RNF208: variants seen among roughly 807,000 people sequenced by gnomAD.
The protein encoded by RNF208 is ring finger protein 208.
RNF208 carries 7 observed loss-of-function variants against 15.2 expected under a neutral mutation model. That is an observed-to-expected ratio of 0.46 (90% CI 0.26 to 0.86). RNF208 has a LOEUF of 0.86. Among genes scored for constraint, RNF208 ranks in the 40% least tolerant of loss-of-function variants. RNF208 has a pLI of 0.16. For missense variants in RNF208, 342 were observed against 364.1 expected, an observed-to-expected ratio of 0.94 and a Z score of 0.49; for synonymous variants, 211 against 163.2, an observed-to-expected ratio of 1.29 and a Z score of -2.23.
Position 137,222,144 on chromosome 9 carries a change from G to A in RNF208, c.-682C>T, listed in dbSNP as rs907736477. ...GACCTCAGGCGATGGCGGGGCCCGG[G>A]CGGCACCGAGGGGCGCGGGCGCGGG... On this transcript the variant is annotated 5_prime_UTR_variant, in exon 1 of 2. Coordinates refer to ENST00000391553, the MANE Select transcript of RNF208 (RefSeq NM_031297.7). Among the ~76,000 whole-genome samples, 12 of 146,470 alleles carry A rather than the reference G, an allele frequency of 8.2e-5. No homozygotes were observed. The highest frequency in any genetic ancestry group is 1.7e-4 in the Non-Finnish European group (11 of 65,906).
In RNF208 at chr9:137,222,164, C is replaced by A. The variant is rs1835880846; in HGVS notation, c.-702G>T. ...CCCGGGCGGCACCGAGGGGCGCGGGCGCGGGCGTGGGGCGCGGGGCGCGGG... is the reference window on the plus strand; with the variant it reads ...CCCGGGCGGCACCGAGGGGCGCGGGAGCGGGCGTGGGGCGCGGGGCGCGGG... On this transcript the variant is annotated 5_prime_UTR_variant, in exon 1 of 2. Transcript: ENST00000391553. Among the ~76,000 whole-genome samples, 1 of 146,064 alleles carries A rather than the reference C, an allele frequency of 6.8e-6. No homozygotes were observed. Among genetic ancestry groups the A allele is most frequent in the Admixed American group, 6.8e-5 (1 of 14,690 alleles).
In RNF208 at chr9:137,221,268, T is replaced by TG. The variant is rs1835866447; in HGVS notation, c.-57dup. ...GGTGGGTGGGGGCGTTGTGTGGGGC[T>TG]GGGGGGCAGGTGACAGGGCAGCATC... On this transcript the variant is annotated 5_prime_UTR_variant, in exon 2 of 2. An upstream open reading frame in the 5' UTR loses its in-frame stop. Coordinates refer to ENST00000391553, the MANE Select transcript of RNF208 (RefSeq NM_031297.7). 3 of 111,810 alleles carry TG rather than the reference T, an allele frequency of 2.7e-5. No homozygotes were observed. The highest frequency in any genetic ancestry group is 2.4e-3 in the Middle Eastern group (1 of 416). 6.9% of individuals were successfully genotyped at this position (111,810 alleles called of 1,614,324 possible).
intron 1 of RNF208, among the ~76,000 whole-genome samples, 56 bp from the exon 2 acceptor site, chr9:137,221,794 C>A (rs1351693761): frequency 6.6e-6 from 1 of 152,108 alleles, no homozygotes; most frequent in Admixed American, 6.5e-5. Context: ...CCCTAGCCCT[C>A]GCCCTGCACA....
At position 137,220,437 on chromosome 9, in the gene RNF208, G is replaced by A. The variant is rs932187949; in HGVS notation, c.776C>T (p.Ser259Phe). The A allele has an allele frequency of 1.3e-5, 21 of 1,584,708 alleles. No homozygotes were observed. The highest frequency in any genetic ancestry group is 1.7e-5 in the Non-Finnish European group (20 of 1,164,106). ...GGCAGGCAGGCGCTACTACATGATG[G>A]AGCAGGCGGACAGTGGGTTCCGCAC... ...CHVRNPLSAC[S>F]IM Residue 259 changes from serine (S) to phenylalanine (F), a missense_variant, in exon 2 of 2, where the codon TCC (serine) becomes TTC (phenylalanine). Ser to Phe is a radical substitution (Grantham distance 155). Transcript: ENST00000391553.
Position 137,221,089 on chromosome 9 carries a change from G to A in RNF208, c.124C>T (p.Pro42Ser). The change falls in exon 2 of 2, where the codon CCT (proline) becomes TCT (serine). Residue 42 changes from proline to serine, a missense_variant. Pro to Ser is a moderately conservative substitution (Grantham distance 74, BLOSUM62 -1). Coordinates refer to ENST00000391553, the MANE Select transcript of RNF208 (RefSeq NM_031297.7). ...AMKIVHPEKF[P>S]ELPAAPCFPP... ...AAGCAGGGGGCAGCCGGTAGCTCAG[G>A]GAACTTTTCAGGGTGGACAATCTTC... 2 of 1,605,880 alleles carry A rather than the reference G, an allele frequency of 1.2e-6. No individual in the cohort carries two copies. The highest frequency in any genetic ancestry group is 1.7e-6 in the Non-Finnish European group (2 of 1,176,714).
chr9:137,222,962 G>A (rs1168631707), upstream of RNF208, among the ~76,000 whole-genome samples: 1 of 152,250 alleles, frequency 6.6e-6, no homozygotes, highest in Non-Finnish European at 1.5e-5. Flanking sequence ...TGAGGCAGGG[G>A]ACCAGGGCTT....
Position 137,220,532 on chromosome 9 carries a change from C to G in RNF208, c.681G>C (p.Trp227Cys). Reference protein sequence around the residue: ...EALTAPSGGQWGAEPEGSCYQ... With the variant: ...EALTAPSGGQCGAEPEGSCYQ... ...AGCAGCTGCCCTCGGGCTCAGCCCC[C>G]CACTGACCCCCGGATGGGGCCGTCA... The change falls in exon 2 of 2, where the codon TGG becomes TGC. Residue 227 changes from tryptophan (W) to cysteine (C), a missense_variant. Around this residue, in one of 3 missense-constraint regions of RNF208, gnomAD observed 59 missense variants for 52.4 expected, o/e 1.13. Transcript: ENST00000391553. The G allele has an allele frequency of 6.2e-7, 1 of 1,605,620 alleles. No homozygotes were observed. The highest frequency in any genetic ancestry group is 8.5e-7 in the Non-Finnish European group (1 of 1,177,098).
chr9:137,221,948 G>C (rs1835877469), intron 1 of RNF208, among the ~76,000 whole-genome samples, 41 bp downstream of exon 1: 1 of 152,024 alleles, frequency 6.6e-6, no homozygotes, highest in East Asian at 1.9e-4. Flanking sequence ...GCGTGGGGAG[G>C]GGCGCTGAGT....
chr9:137,223,387 C>CG (rs1835904832), upstream of RNF208, among the ~76,000 whole-genome samples: 1 of 152,184 alleles, frequency 6.6e-6, no homozygotes. Flanking sequence ...ACCGACCCGG[C>CG]GTGCGCCCGA....
intron 1 of RNF208, among the ~76,000 whole-genome samples, 28 bp downstream of exon 1, chr9:137,221,961 G>A (rs1375933999): frequency 6.6e-6 from 1 of 151,776 alleles, no homozygotes; most frequent in African/African-American, 2.4e-5. Context: ...CGCTGAGTCC[G>A]CCCCCGGCCC....
Position 137,220,380 on chromosome 9 carries a change from AAGC to A in RNF208, c.*44_*46del, listed in dbSNP as rs746113601. 2 of 1,504,328 alleles carry A rather than the reference AAGC, an allele frequency of 1.3e-6. No individual in the cohort carries two copies. The highest frequency in any genetic ancestry group is 8.9e-7 in the Non-Finnish European group (1 of 1,124,682). 93.2% of individuals were successfully genotyped at this position (1,504,328 alleles called of 1,614,324 possible). On this transcript the variant is annotated 3_prime_UTR_variant, in exon 2 of 2. Coordinates refer to ENST00000391553, the MANE Select transcript of RNF208 (RefSeq NM_031297.7). ...GCAGGGCAGGGCCGGGTCCCTGAAG[AAGC>A]AGCGAGCGAGGCTCAGCGGGCAGTG...
chr9:137,221,889 G>A (rs1835876560), intron 1 of RNF208, among the ~76,000 whole-genome samples, 100 bp downstream of exon 1: 1 of 151,978 alleles, frequency 6.6e-6, no homozygotes, highest in South Asian at 2.1e-4. Context: ...CCCCTCCCCG[G>A]TCCCCGCCTC....
upstream of RNF208, among the ~76,000 whole-genome samples, chr9:137,222,946 T>A (rs1388913309): frequency 1.3e-5 from 2 of 152,212 alleles, no homozygotes; most frequent in Non-Finnish European, 2.9e-5. Flanking sequence ...GGCTTGCTGG[T>A]CACCGTGAGG....
In RNF208 at chr9:137,220,465, G is replaced by C. The variant is rs746731370; in HGVS notation, c.748C>G (p.His250Asp). The change falls in exon 2 of 2, where the codon CAC (histidine) becomes GAC (aspartate). Residue 250 changes from histidine (H) to aspartate (D), a missense_variant. By Grantham distance (81) the His-to-Asp change is moderately conservative. This residue lies in a region of RNF208 where 59 missense variants were observed against 52.4 expected (regional missense o/e 1.13). Coordinates refer to ENST00000391553, the MANE Select transcript of RNF208 (RefSeq NM_031297.7). ...RQYCGAACTC[H>D]VRNPLSACSI... is the part of the protein sequence containing the mutation. ...CAGGCGGACAGTGGGTTCCGCACGT[G>C]GCAGGTGCACGCGGCCCCACAGTAC... The C allele has an allele frequency of 4.4e-6, 7 of 1,598,024 alleles. No homozygotes were observed. Among genetic ancestry groups the C allele is most frequent in the Non-Finnish European group, 6.0e-6 (7 of 1,172,048 alleles).
In RNF208 at chr9:137,222,060, C is replaced by T. The variant is rs1254292923; in HGVS notation, c.-598G>A. 2.7e-5 allele frequency among the ~76,000 whole-genome samples: 4 copies of T among 149,422 alleles called. No individual in the cohort carries two copies. The highest frequency in any genetic ancestry group is 6.7e-5 in the Admixed American group (1 of 15,004). On this transcript the variant is annotated 5_prime_UTR_variant, in exon 1 of 2. Coordinates refer to ENST00000391553, the MANE Select transcript of RNF208 (RefSeq NM_031297.7). The stretch of plus-strand genomic sequence containing the variant: ...GTCTCAAAGGCAGGCCCGGACGCGG[C>T]GCCCGCGCCTCGGCCCGGCAGCTCG...
chr9:137,220,867 C>T lies in RNF208; in HGVS notation c.346G>A (p.Val116Ile). 1 of 1,592,166 alleles carries T rather than the reference C, an allele frequency of 6.3e-7. No homozygotes were observed. Among genetic ancestry groups the T allele is most frequent in the South Asian group, 1.1e-5 (1 of 89,552 alleles). Residue 116 changes from valine to isoleucine, a missense_variant, in exon 2 of 2, where the codon GTC becomes ATC. Physicochemically the swap from Val to Ile is conservative, Grantham distance 29. Coordinates refer to ENST00000391553, the MANE Select transcript of RNF208 (RefSeq NM_031297.7). ...GFPRVAPEDE[V>I]IVNQYVIRPG... ...CGAATCACGTACTGATTCACAATGA[C>T]CTCATCCTCTGGGGCCACGCGGGGA... is the stretch of plus-strand genomic sequence containing the variant.
Position 137,221,040 on chromosome 9 carries a change from G to T in RNF208, c.173C>A (p.Pro58Gln), listed in dbSNP as rs766147210. The T allele has an allele frequency of 3.1e-6, 5 of 1,592,940 alleles. No homozygotes were observed. In the African/African-American group the frequency reaches 6.7e-5, roughly 21 times the overall value. ...PCFPPAPRPT[P>Q]TLAPKRAWPS... ...CCAGGCACGCTTGGGTGCCAGAGTT[G>T]GGGTGGGCCGGGGAGCAGGCGGGAA... The change falls in exon 2 of 2, where the codon CCA (proline) becomes CAA (glutamine). Residue 58 changes from proline (P) to glutamine (Q), a missense_variant. By Grantham distance (76) the Pro-to-Gln change is moderately conservative. Transcript: ENST00000391553.
In RNF208 at chr9:137,220,319, C is replaced by T. The variant is rs1835829532; in HGVS notation, c.*108G>A. ...GCGACAATGCCACTCGGGGTGGGGCCGGAAGCCATGGTGGGGAAGGAAGGG... is the reference window on the plus strand; with the variant it reads ...GCGACAATGCCACTCGGGGTGGGGCTGGAAGCCATGGTGGGGAAGGAAGGG... On this transcript the variant is annotated 3_prime_UTR_variant, in exon 2 of 2. Coordinates refer to ENST00000391553, the MANE Select transcript of RNF208 (RefSeq NM_031297.7). 8.0e-6 allele frequency: 10 copies of T among 1,250,044 alleles called. No homozygotes were observed. The Admixed American group carries it at 8.3e-5, about 10-fold the overall frequency. The allele number at this position is 1,250,044 out of a possible 1,614,324, so 77.4% of individuals were successfully genotyped here. A position where few individuals can be genotyped will look rare whatever the true frequency, so the allele number is the denominator to read the frequency against.
upstream of RNF208, among the ~76,000 whole-genome samples, chr9:137,222,896 C>G (rs1440405386): frequency 1.3e-5 from 2 of 152,222 alleles, no homozygotes; most frequent in Admixed American, 1.3e-4. Flanking sequence ...CCGGGGCTTC[C>G]CTGCCCTCCT....
Sources: gnomAD v4.1 joint callset for allele counts (sites outside exome capture counted in the v4.1 genomes callset) on GRCh38, gnomAD v4.1.1 for gene constraint, gnomAD v4.1.1 regional missense constraint, MANE v1.5 for transcripts, NCBI Gene and HGNC (gene_info 2026-07-23, HGNC 2026-07-21) for gene names.